Variants in MTCL1 observed in about 807,000 individuals in gnomAD.
The protein encoded by MTCL1 is microtubule crosslinking factor 1.
Under a neutral mutation model 141.4 loss-of-function variants are expected in MTCL1, and 79 were observed. The ratio of observed to expected loss-of-function variants is 0.56; its 90% CI spans 0.47 to 0.67. The LOEUF is 0.67. Among genes scored for constraint, MTCL1 ranks in the 30% least tolerant of loss-of-function variants. The pLI is 0.00. For synonymous variants in MTCL1, 914 were observed against 875.8 expected, an observed-to-expected ratio of 1.04 and a Z score of -0.77; for missense variants, 2,177 against 2,113.9, an observed-to-expected ratio of 1.03 and a Z score of -0.59.
chr18:8,786,110 T>TCCCA lies in MTCL1; in HGVS notation c.1887+22_1887+23insACCC. The TCCCA allele has an allele frequency of 5.3e-6, 7 of 1,310,348 alleles. No individual in the cohort carries two copies. The highest frequency in any genetic ancestry group is 6.1e-6 in the Non-Finnish European group (6 of 990,148). The allele number at this position is 1,310,348 out of a possible 1,614,324, so 81.2% of individuals were successfully genotyped here. A position where few individuals can be genotyped will look rare whatever the true frequency, so the allele number is the denominator to read the frequency against. The stretch of plus-strand genomic sequence containing the variant: ...CCTGGAGGTCAGCGTGGGCAAGCAA[T>TCCCA]CCCCCCCCCCCGCCCTCCCCCTCCT... On this transcript the variant is annotated intron_variant, in intron 7 of 16. Transcript: ENST00000359865.
At chr18:8,730,403 G>A (rs2096244023) in intron 4 of MTCL1, among the ~76,000 whole-genome samples, 1 of 152,136 alleles carries the variant, frequency 6.6e-6, no homozygotes, top group South Asian at 2.1e-4. Flanking sequence ...CCTTGAGAAA[G>A]AGCCAAAACA....
chr18:8,825,357 G>T lies in MTCL1; in HGVS notation c.3847G>T (p.Asp1283Tyr), dbSNP rs1404907898. 2.6e-6 allele frequency: 4 copies of T among 1,536,708 alleles called. No homozygotes were observed. The African/African-American group carries it at 5.5e-5, about 21-fold the overall frequency. Residue 1283 changes from aspartate to tyrosine, a missense_variant, in exon 15 of 17, where the codon GAC (aspartate) becomes TAC (tyrosine). Physicochemically the swap from Asp to Tyr is radical, Grantham distance 160. Transcript: ENST00000359865. ...GGAGATGTCCAAGAACTTGAGTGAT[G>T]ACATGAAGGAGGTGGCCTTCTCTGT...
intron 4 of MTCL1, among the ~76,000 whole-genome samples, chr18:8,751,847 G>T (rs1019130762): frequency 6.6e-6 from 1 of 152,220 alleles, no homozygotes; most frequent in African/African-American, 2.4e-5. Flanking sequence ...TGTGAAAGTT[G>T]TTTCATTGAC....
At chr18:8,816,374 G>C (rs2076655451) in intron 12 of MTCL1, among the ~76,000 whole-genome samples, 3 of 152,292 alleles carry the variant, frequency 2.0e-5, no homozygotes, top group Admixed American at 2.0e-4. Flanking sequence ...CTTGTCCGCT[G>C]TCATTAAATT....
chr18:8,813,498 C>T (rs542722426), intron 12 of MTCL1, among the ~76,000 whole-genome samples: 4 of 138,040 alleles, frequency 2.9e-5, no homozygotes, highest in African/African-American at 1.0e-4. Context: ...GTGGGTGGGG[C>T]TTGTGGGAGC....
At chr18:8,708,301 T>C (rs890116052) in intron 1 of MTCL1, among the ~76,000 whole-genome samples, 3 of 152,348 alleles carry the variant, frequency 2.0e-5, no homozygotes, top group Admixed American at 6.5e-5. Flanking sequence ...TCTTTGATCT[T>C]AAGGTAGGCT....
At chr18:8,796,296 A>G (rs780865403) in exon 9 of MTCL1, 5 of 1,614,086 alleles carry the variant, frequency 3.1e-6, no homozygotes, top group Non-Finnish European at 4.2e-6. Flanking sequence ...CTGGCTTTGC[A>G]AAACACCCTC....
intron 4 of MTCL1, among the ~76,000 whole-genome samples, chr18:8,729,350 T>C (rs1171653373): frequency 6.6e-6 from 1 of 151,796 alleles, no homozygotes. Flanking sequence ...GGCCTGCCTG[T>C]TATATATTTT....
chr18:8,775,497 G>A (rs1030625457), intron 4 of MTCL1, among the ~76,000 whole-genome samples: 40 of 151,964 alleles, frequency 2.6e-4, no homozygotes, highest in African/African-American at 6.8e-4. Flanking sequence ...CGCTTGAACC[G>A]GGGAGGCAGA....
At chr18:8,783,132 A>G (rs900539442) in intron 5 of MTCL1, among the ~76,000 whole-genome samples, 8 of 152,158 alleles carry the variant, frequency 5.3e-5, no homozygotes, top group African/African-American at 1.9e-4. Context: ...GCTGTCTCTC[A>G]CTGGTGCTGG....
intron 12 of MTCL1, among the ~76,000 whole-genome samples, chr18:8,817,564 T>C (rs2076698020): frequency 6.6e-6 from 1 of 152,126 alleles, no homozygotes; most frequent in Non-Finnish European, 1.5e-5. Flanking sequence ...TTCCTGACTA[T>C]ACAGAAACCA....
chr18:8,753,876 A>G (rs909361856), intron 4 of MTCL1, among the ~76,000 whole-genome samples: 1 of 152,190 alleles, frequency 6.6e-6, no homozygotes, highest in Non-Finnish European at 1.5e-5. Flanking sequence ...TATAAAAATA[A>G]TGATACTGTA....
chr18:8,818,331 C>T lies in MTCL1; in HGVS notation c.2860-632C>T, dbSNP rs1335405035. On this transcript the variant is annotated intron_variant, in intron 12 of 16. Transcript: ENST00000359865. Reference sequence around the variant, plus strand: ...CCAAGTCAGGGAAAAAAGTATGACTCTAACGTAATGTGGCTTTTTTTTTTT... The same window carrying T: ...CCAAGTCAGGGAAAAAAGTATGACTTTAACGTAATGTGGCTTTTTTTTTTT... Among the ~76,000 whole-genome samples the T allele has an allele frequency of 1.3e-5, 2 of 151,996 alleles. 1 individual carries two copies. Among genetic ancestry groups the T allele is most frequent in the South Asian group, 4.1e-4 (2 of 4,832 alleles).
intron 1 of MTCL1, chr18:8,706,989 C>A: frequency 2.2e-6 from 1 of 451,728 alleles, no homozygotes; most frequent in Non-Finnish European, 3.8e-6. Context: ...TTTTGTTGAC[C>A]TGTTGGGGCA....
At chr18:8,804,471 G>T (rs929764687) in intron 10 of MTCL1, among the ~76,000 whole-genome samples, 1 of 152,062 alleles carries the variant, frequency 6.6e-6, no homozygotes, top group African/African-American at 2.4e-5. Flanking sequence ...GTTTGTTACA[G>T]CTTCACATAT....
chr18:8,768,401 A>G (rs2096469129), intron 4 of MTCL1, among the ~76,000 whole-genome samples: 2 of 152,236 alleles, frequency 1.3e-5, no homozygotes, highest in African/African-American at 2.4e-5. Context: ...TGACAACTGT[A>G]TATACAAAGT....
chr18:8,805,354 C>G (rs759459280), intron 10 of MTCL1, among the ~76,000 whole-genome samples: 1 of 152,084 alleles, frequency 6.6e-6, no homozygotes, highest in Non-Finnish European at 1.5e-5. Context: ...TGAGAACATG[C>G]GGTATTTGGT....
chr18:8,711,474 CACAATGGTTGAACTAGTTT>C (rs2096092011), intron 1 of MTCL1, among the ~76,000 whole-genome samples: 1 of 141,326 alleles, frequency 7.1e-6, no homozygotes, highest in South Asian at 2.4e-4. Flanking sequence ...CACTGACTTC[CACAATGGTTGAACTAGTTT>C]ACAGTCCCAC....
At chr18:8,809,951 C>A (rs1467176771) in intron 11 of MTCL1, 10 of 169,412 alleles carry the variant, frequency 5.9e-5, no homozygotes, top group South Asian at 2.0e-4. Context: ...ATAGAAGGAA[C>A]CAAAATATTC....
Sources: allele counts gnomAD v4.1 joint callset (sites outside exome capture counted in the v4.1 genomes callset), GRCh38; gene constraint gnomAD v4.1.1; transcripts MANE v1.5; gene names NCBI Gene and HGNC (gene_info 2026-07-23, HGNC 2026-07-21).